The following SHISA9 variants were observed in gnomAD, a reference collection of about 807,000 sequenced individuals.
SHISA9 encodes the protein shisa family member 9, also known as protein shisa-9.
SHISA9 carries 13 observed loss-of-function variants against 38.0 expected under a neutral mutation model. The observed-to-expected ratio is 0.34, with a 90% CI of 0.22 to 0.54. The LOEUF is 0.54. Ranked by LOEUF, SHISA9 falls within the 20% of genes least tolerant of loss-of-function variation. The pLI is 0.91. For synonymous variants in SHISA9, 275 were observed against 242.0 expected (o/e 1.14, Z -1.27); for missense variants, 538 against 575.8 (o/e 0.93, Z 0.67).
the SHISA9 span, among the ~76,000 whole-genome samples, chr16:13,460,375 C>G: frequency 6.6e-6 from 1 of 152,136 alleles, no homozygotes; most frequent in Non-Finnish European, 1.5e-5. Flanking sequence ...AAACTTTATG[C>G]TCATTTCTCT....
chr16:13,329,902 A>G, the SHISA9 span, among the ~76,000 whole-genome samples: 4 of 152,234 alleles, frequency 2.6e-5, no homozygotes, highest in African/African-American at 9.6e-5. Flanking sequence ...CTCTGAAATC[A>G]TGCAGTTCCT....
chr16:13,033,884 G>T (rs966607390), intron 2 of SHISA9, among the ~76,000 whole-genome samples: 15 of 152,220 alleles, frequency 9.9e-5, no homozygotes, highest in African/African-American at 3.6e-4. Flanking sequence ...TGTGGCTCAC[G>T]CCTGTAATTC....
the SHISA9 span, among the ~76,000 whole-genome samples, chr16:13,246,058 TA>T: frequency 2.0e-5 from 3 of 152,032 alleles, no homozygotes; most frequent in African/African-American, 7.2e-5. Context: ...GTTTTTTATT[TA>T]AAAAAAATCC....
the SHISA9 span, among the ~76,000 whole-genome samples, chr16:13,268,301 G>C: frequency 1.3e-5 from 2 of 152,122 alleles, no homozygotes; most frequent in Non-Finnish European, 2.9e-5. Flanking sequence ...CTGGAGGTCA[G>C]GAGTTTGACA....
intron 4 of SHISA9, among the ~76,000 whole-genome samples, chr16:13,215,547 C>G (rs573091566): frequency 6.6e-6 from 1 of 152,206 alleles, no homozygotes; most frequent in Non-Finnish European, 1.5e-5. Context: ...AAAACAAAGC[C>G]GTTATGATCT....
chr16:13,249,619 A>G, the SHISA9 span, among the ~76,000 whole-genome samples: 3 of 152,096 alleles, frequency 2.0e-5, no homozygotes, highest in Non-Finnish European at 4.4e-5. Context: ...TCTTCCTTAT[A>G]CATTTTTTCT....
At chr16:13,414,165 A>G in the SHISA9 span, among the ~76,000 whole-genome samples, 1 of 152,242 alleles carries the variant, frequency 6.6e-6, no homozygotes, top group African/African-American at 2.4e-5. Context: ...AAATATGTAT[A>G]CAGTTTAAAA....
At chr16:13,501,277 G>A in the SHISA9 span, among the ~76,000 whole-genome samples, 12 of 152,086 alleles carry the variant, frequency 7.9e-5, no homozygotes, top group Non-Finnish European at 1.5e-4. Flanking sequence ...CACCCCCTAC[G>A]ACAAAGAATT....
chr16:12,929,110 G>A (rs868020823), intron 2 of SHISA9, among the ~76,000 whole-genome samples: 13 of 152,180 alleles, frequency 8.5e-5, no homozygotes, highest in African/African-American at 2.7e-4. Context: ...TGTCAGTCAG[G>A]ATGGCTATTA....
chr16:13,363,021 T>C, the SHISA9 span, among the ~76,000 whole-genome samples: 1 of 152,352 alleles, frequency 6.6e-6, no homozygotes, highest in Non-Finnish European at 1.5e-5. Context: ...CTTTGGGAAG[T>C]AGAGCTATGT....
At chr16:13,285,632 C>G in the SHISA9 span, among the ~76,000 whole-genome samples, 6 of 152,094 alleles carry the variant, frequency 3.9e-5, no homozygotes, top group South Asian at 6.2e-4. Flanking sequence ...CCATAGATCC[C>G]GCTTTGGGGA....
chr16:13,097,063 G>A (rs1298455636), intron 2 of SHISA9, among the ~76,000 whole-genome samples: 2 of 152,210 alleles, frequency 1.3e-5, no homozygotes, highest in Non-Finnish European at 2.9e-5. Flanking sequence ...GACAGGGACT[G>A]TGTCTGGCTT....
chr16:13,081,405 C>A (rs532900098), intron 2 of SHISA9, among the ~76,000 whole-genome samples: 1 of 152,270 alleles, frequency 6.6e-6, no homozygotes, highest in East Asian at 1.9e-4. Context: ...GGCTGACAAG[C>A]CAGTCCTCAC....
At chr16:13,256,374 C>G in the SHISA9 span, among the ~76,000 whole-genome samples, 2 of 152,210 alleles carry the variant, frequency 1.3e-5, no homozygotes, top group African/African-American at 4.8e-5. Context: ...CTCTGCCTCC[C>G]AGGTTCAAGT....
At position 12,902,566 on chromosome 16, in the gene SHISA9, G is replaced by T; in HGVS notation, c.502G>T (p.Gly168Cys). ...CGVVAVMVLV[G>C]IFTKLGLEKA... is the part of the protein sequence containing the mutation. ...GGTGGTGGCCGTCATGGTGCTCGTGGGCATCTTCACCAAGCTGGGGCTGGA... is the reference window on the plus strand; with the variant it reads ...GGTGGTGGCCGTCATGGTGCTCGTGTGCATCTTCACCAAGCTGGGGCTGGA... Residue 168 changes from glycine to cysteine, a missense_variant, in exon 1 of 5, where the codon GGC (glycine) becomes TGC (cysteine). Physicochemically the swap from Gly to Cys is radical, Grantham distance 159 (BLOSUM62 -3). Transcript: ENST00000558583. The T allele has an allele frequency of 6.4e-7, 1 of 1,551,250 alleles. No homozygotes were observed. The highest frequency in any genetic ancestry group is 8.7e-7 in the Non-Finnish European group (1 of 1,146,994).
chr16:13,059,453 C>G (rs180961493), intron 2 of SHISA9, among the ~76,000 whole-genome samples: 1 of 152,138 alleles, frequency 6.6e-6, no homozygotes, highest in Non-Finnish European at 1.5e-5. Context: ...TACAGAGGTA[C>G]AGAGTCTATC....
intron 3 of SHISA9, among the ~76,000 whole-genome samples, chr16:13,205,685 T>A (rs1171592728): frequency 6.6e-6 from 1 of 152,214 alleles, no homozygotes; most frequent in Non-Finnish European, 1.5e-5. Context: ...CCTGGTCTTG[T>A]TTCTAGTAGC....
chr16:13,134,538 G>A lies in SHISA9; in HGVS notation c.692-68856G>A, dbSNP rs2050331980. On this transcript the variant is annotated intron_variant, in intron 2 of 4. Coordinates refer to ENST00000558583, the MANE Select transcript of SHISA9 (RefSeq NM_001145204.3). The stretch of plus-strand genomic sequence containing the variant: ...TATTTGAGTTAAATCTTAAAGAAGG[G>A]ATAGGATTTTTTTGTTTTTTCAGGA... Among the ~76,000 whole-genome samples the A allele has an allele frequency of 1.3e-5, 2 of 152,128 alleles. 1 individual carries two copies. Among genetic ancestry groups the A allele is most frequent in the South Asian group, 4.2e-4 (2 of 4,818 alleles).
At chr16:13,090,906 C>T (rs2073768180) in intron 2 of SHISA9, among the ~76,000 whole-genome samples, 1 of 152,148 alleles carries the variant, frequency 6.6e-6, no homozygotes, top group Non-Finnish European at 1.5e-5. Flanking sequence ...GTCTTTACAA[C>T]TTGGCATGTT....
Sources: gnomAD v4.1 joint callset for allele counts (sites outside exome capture counted in the v4.1 genomes callset) on GRCh38, gnomAD v4.1.1 for gene constraint, MANE v1.5 for transcripts, NCBI Gene and HGNC (gene_info 2026-07-23, HGNC 2026-07-21) for gene names.